Variants in WWOX observed in about 807,000 individuals in gnomAD.
WWOX encodes WW domain-containing oxidoreductase.
Under a neutral mutation model 46.2 loss-of-function variants are expected in WWOX, and 69 were observed. The ratio of observed to expected loss-of-function variants is 1.49; its 90% confidence interval spans 1.23 to 1.82. The LOEUF is 1.82. Ranked by LOEUF, WWOX falls within the 40% of genes most tolerant of loss-of-function variation. WWOX has a pLI of 0.00. For missense variants in WWOX, 919 were observed against 542.6 expected (o/e 1.69, Z -6.89); for synonymous variants, 359 against 202.6 (o/e 1.77, Z -6.56).
intron 8 of WWOX, among the ~76,000 whole-genome samples, chr16:79,162,945 A>G (rs910163804): frequency 2.0e-5 from 3 of 152,208 alleles, no homozygotes; most frequent in African/African-American, 7.2e-5. Context: ...TGGGAAGAGA[A>G]TGTTGTCCCC....
intron 4 of WWOX, among the ~76,000 whole-genome samples, chr16:78,138,103 T>G (rs768866798): frequency 4.0e-5 from 6 of 150,670 alleles, no homozygotes; most frequent in Non-Finnish European, 8.9e-5. Context: ...TCTAAATGGC[T>G]CGCTGCATCC....
intron 8 of WWOX, among the ~76,000 whole-genome samples, chr16:79,136,669 G>T (rs192057288): frequency 2.7e-4 from 41 of 152,296 alleles, no homozygotes; most frequent in African/African-American, 9.4e-4. Flanking sequence ...GTGGGCACCA[G>T]TTCCTCACCG....
chr16:78,862,155 T>C (rs2043900399), intron 8 of WWOX, among the ~76,000 whole-genome samples: 1 of 151,856 alleles, frequency 6.6e-6, no homozygotes, highest in Non-Finnish European at 1.5e-5. Flanking sequence ...CCTATGGGTG[T>C]GTCTGTCTGT....
At chr16:79,200,193 G>A (rs369854852) in intron 8 of WWOX, among the ~76,000 whole-genome samples, 3 of 152,266 alleles carry the variant, frequency 2.0e-5, no homozygotes, top group South Asian at 2.1e-4. Context: ...GAGGCCTGGT[G>A]GGAAGCCAGG....
At chr16:78,372,839 A>G (rs763429035) in intron 5 of WWOX, among the ~76,000 whole-genome samples, 31 of 152,154 alleles carry the variant, frequency 2.0e-4, no homozygotes, top group Admixed American at 5.2e-4. Flanking sequence ...TATTTTTCTA[A>G]TTTGTTATCA....
chr16:78,340,278 C>T lies in WWOX; in HGVS notation c.517-46582C>T, dbSNP rs2080988517. Among the ~76,000 whole-genome samples, 2 of 115,374 alleles carry T rather than the reference C, an allele frequency of 1.7e-5. 1 individual carries two copies. Among genetic ancestry groups the T allele is most frequent in the Non-Finnish European group, 4.1e-5 (2 of 48,778 alleles). The allele number at this position is 115,374 out of a possible 152,430, so 75.7% of individuals were successfully genotyped here. ...GTGGTGTGATCCTGCCTAACTGCAA[C>T]CTCCACCTCCCAGGTTCAAGTGACT... On this transcript the variant is annotated intron_variant, in intron 5 of 8. Coordinates refer to ENST00000566780, the MANE Select transcript of WWOX (RefSeq NM_016373.4).
At chr16:78,710,804 A>T (rs2048429229) in intron 8 of WWOX, among the ~76,000 whole-genome samples, 1 of 151,522 alleles carries the variant, frequency 6.6e-6, no homozygotes, top group Non-Finnish European at 1.5e-5. Flanking sequence ...TTGTAGAGAT[A>T]GGATCTCTCC....
chr16:78,678,532 G>A (rs897458767), intron 8 of WWOX, among the ~76,000 whole-genome samples: 9 of 152,268 alleles, frequency 5.9e-5, no homozygotes, highest in Admixed American at 2.6e-4. Context: ...TGGGCAAGGC[G>A]GAGATCCAGT....
At chr16:78,690,859 T>C (rs142043940) in intron 8 of WWOX, among the ~76,000 whole-genome samples, 1 of 152,232 alleles carries the variant, frequency 6.6e-6, no homozygotes, top group Non-Finnish European at 1.5e-5. Context: ...GATGGCTTGA[T>C]GTTGTCTCTT....
intron 8 of WWOX, among the ~76,000 whole-genome samples, chr16:78,925,730 A>G (rs998886683): frequency 6.6e-6 from 1 of 152,120 alleles, no homozygotes; most frequent in Non-Finnish European, 1.5e-5. Context: ...CTTTGGTCAT[A>G]TTTTGTTTCT....
At chr16:79,195,531 G>C (rs1048324197) in intron 8 of WWOX, among the ~76,000 whole-genome samples, 1 of 152,146 alleles carries the variant, frequency 6.6e-6, no homozygotes, top group Non-Finnish European at 1.5e-5. Flanking sequence ...CAGAATGGGG[G>C]ATCTCAGCAG....
intron 8 of WWOX, among the ~76,000 whole-genome samples, chr16:79,040,405 G>T (rs1482075500): frequency 6.6e-6 from 1 of 151,512 alleles, no homozygotes; most frequent in Non-Finnish European, 1.5e-5. Flanking sequence ...CTCATGAGCA[G>T]CTGGGACCAC....
intron 6 of WWOX, among the ~76,000 whole-genome samples, chr16:78,412,726 C>T (rs902348685): frequency 6.6e-6 from 1 of 152,144 alleles, no homozygotes; most frequent in Non-Finnish European, 1.5e-5. Flanking sequence ...TGAGAAGCCA[C>T]TCCTCGCCAG....
chr16:78,438,604 A>G (rs2083382048), intron 8 of WWOX, among the ~76,000 whole-genome samples: 1 of 152,146 alleles, frequency 6.6e-6, no homozygotes, highest in South Asian at 2.1e-4. Context: ...GTGCAACCAC[A>G]TATTTGTGTT....
At chr16:78,460,102 TG>T (rs2083914799) in intron 8 of WWOX, among the ~76,000 whole-genome samples, 1 of 151,952 alleles carries the variant, frequency 6.6e-6, no homozygotes, top group African/African-American at 2.4e-5. Context: ...CCACTGTACC[TG>T]GACTCCACTA....
At chr16:78,771,195 G>C (rs1321511742) in intron 8 of WWOX, among the ~76,000 whole-genome samples, 3 of 152,180 alleles carry the variant, frequency 2.0e-5, no homozygotes, top group Non-Finnish European at 4.4e-5. Flanking sequence ...ACACAGAACT[G>C]ACCGGAACTG....
chr16:78,246,594 A>G (rs1272998435), intron 5 of WWOX, among the ~76,000 whole-genome samples: 3 of 152,224 alleles, frequency 2.0e-5, no homozygotes, highest in South Asian at 4.1e-4. Flanking sequence ...ACCATCTTCC[A>G]TCAAGTTGGT....
At chr16:78,760,275 C>G (rs79313907) in intron 8 of WWOX, among the ~76,000 whole-genome samples, 1 of 152,124 alleles carries the variant, frequency 6.6e-6, no homozygotes, top group Non-Finnish European at 1.5e-5. Context: ...TGGGAGAAAT[C>G]GATCCTGTGA....
At chr16:78,957,092 T>C (rs1480564598) in intron 8 of WWOX, among the ~76,000 whole-genome samples, 1 of 152,162 alleles carries the variant, frequency 6.6e-6, no homozygotes, top group East Asian at 1.9e-4. Context: ...TGATTTGCAC[T>C]GGGAAGATAG....
Sources: gnomAD v4.1 joint callset for allele counts (sites outside exome capture counted in the v4.1 genomes callset) on GRCh38, gnomAD v4.1.1 for gene constraint, MANE v1.5 for transcripts, NCBI Gene and HGNC (gene_info 2026-07-23, HGNC 2026-07-21) for gene names.